Variants in NFATC2 observed in about 807,000 individuals in gnomAD.
NFATC2 encodes nuclear factor of activated T-cells, cytoplasmic 2.
A neutral mutation model predicts 87.3 loss-of-function variants in NFATC2; 22 were observed. That is an observed-to-expected ratio of 0.25 (90% CI 0.18 to 0.36). The LOEUF (loss-of-function observed/expected upper bound fraction) is 0.36. Among genes scored for constraint, NFATC2 ranks in the 10% least tolerant of loss-of-function variants. The probability of loss-of-function intolerance (pLI) is 1.00; values close to 1 mark genes in which losing one functional copy is unlikely to be tolerated. For synonymous variants in NFATC2, 565 were observed against 542.2 expected (o/e 1.04, Z -0.58); for missense variants, 1,149 against 1,259.1 (o/e 0.91, Z 1.32).
chr20:51,538,462 T>C (rs2076755906), intron 1 of NFATC2, among the ~76,000 whole-genome samples: 1 of 152,198 alleles, frequency 6.6e-6, no homozygotes, highest in Non-Finnish European at 1.5e-5. Context: ...ACTGGAGTCC[T>C]CCTCCAAGGC....
intron 9 of NFATC2, among the ~76,000 whole-genome samples, chr20:51,428,235 G>T (rs1982151612): frequency 6.6e-6 from 1 of 152,140 alleles, no homozygotes; most frequent in Non-Finnish European, 1.5e-5. Context: ...ACAATTTGGG[G>T]CCTTAGAACA....
intron 5 of NFATC2, among the ~76,000 whole-genome samples, chr20:51,459,187 C>T (rs1395699265): frequency 2.6e-5 from 4 of 152,100 alleles, no homozygotes; most frequent in South Asian, 2.1e-4. Context: ...ATAAACAAAG[C>T]GTGGTCTATC....
At chr20:51,469,703 A>G (rs577134533) in intron 5 of NFATC2, among the ~76,000 whole-genome samples, 2 of 152,162 alleles carry the variant, frequency 1.3e-5, no homozygotes, top group Non-Finnish European at 2.9e-5. Flanking sequence ...AGACCCAGAG[A>G]AGGCCATGTG....
intron 6 of NFATC2, among the ~76,000 whole-genome samples, chr20:51,438,845 A>G (rs1347044746): frequency 5.9e-5 from 9 of 152,236 alleles, no homozygotes; most frequent in Non-Finnish European, 1.0e-4. Context: ...AGGCCCAGAG[A>G]AGCAAGGCGG....
chr20:51,552,336 A>G (rs1272440751), intron 1 of NFATC2, among the ~76,000 whole-genome samples: 1 of 152,204 alleles, frequency 6.6e-6, no homozygotes, highest in Non-Finnish European at 1.5e-5. Flanking sequence ...ATATACATAT[A>G]GTTCATCCTG....
chr20:51,522,676 C>T (rs532767939), intron 2 of NFATC2, among the ~76,000 whole-genome samples: 25 of 151,700 alleles, frequency 1.6e-4, no homozygotes, highest in African/African-American at 5.8e-4. Context: ...TTAAGGCTTG[C>T]TTTGTGCCTA....
chr20:51,536,804 CTTTAA>C lies in NFATC2; in HGVS notation c.130+5561_130+5565del, dbSNP rs777392896. ...CCAAAGCAGGCTTATTAAGGCCTGT[CTTTAA>C]CTCAACACAGAAGGCAATGTCTCTG... On this transcript the variant is annotated intron_variant, in intron 1 of 10. Coordinates refer to ENST00000371564, the MANE Select transcript of NFATC2 (RefSeq NM_012340.5). Among the ~76,000 whole-genome samples the C allele has an allele frequency of 9.2e-5, 14 of 152,300 alleles. No homozygotes were observed. In the East Asian group the frequency reaches 9.6e-4, roughly 10 times the overall value.
At chr20:51,545,544 A>C (rs1338644895), upstream of NFATC2, among the ~76,000 whole-genome samples, 8 of 152,198 alleles carry the variant, frequency 5.3e-5, no homozygotes, top group African/African-American at 1.2e-4. Context: ...ATGGATAAGT[A>C]GATGGATTGA....
intron 3 of NFATC2, among the ~76,000 whole-genome samples, chr20:51,504,427 T>C (rs892774404): frequency 6.6e-6 from 1 of 152,108 alleles, no homozygotes; most frequent in Non-Finnish European, 1.5e-5. Context: ...TGACTCAAAG[T>C]ACCTGGCCTG....
At chr20:51,415,358 C>G (rs1158538871) in intron 9 of NFATC2, among the ~76,000 whole-genome samples, 1 of 152,102 alleles carries the variant, frequency 6.6e-6, no homozygotes. Flanking sequence ...TAGCCTGTTT[C>G]TAGTCTCCTG....
chr20:51,475,278 T>A (rs377392305), intron 4 of NFATC2, among the ~76,000 whole-genome samples, 180 bp downstream of exon 4: 4 of 152,180 alleles, frequency 2.6e-5, no homozygotes, highest in African/African-American at 9.7e-5. Context: ...CTACATATTA[T>A]GCTTTTAAAA....
At chr20:51,542,032 C>G (rs1213746717) in intron 1 of NFATC2, among the ~76,000 whole-genome samples, 1 of 152,210 alleles carries the variant, frequency 6.6e-6, no homozygotes, top group African/African-American at 2.4e-5. Flanking sequence ...GTCCCTTGCC[C>G]TTTGACAGCC....
intron 1 of NFATC2, among the ~76,000 whole-genome samples, chr20:51,537,834 TAGAA>T (rs1292734656): frequency 1.3e-5 from 2 of 152,216 alleles, no homozygotes; most frequent in African/African-American, 4.8e-5. Context: ...TCTCCTCCAC[TAGAA>T]AGAAAATTAA....
At chr20:51,551,766 G>A (rs1330266626) in intron 1 of NFATC2, among the ~76,000 whole-genome samples, 2 of 152,190 alleles carry the variant, frequency 1.3e-5, no homozygotes, top group East Asian at 1.9e-4. Context: ...AGTGGCTCAT[G>A]CCTGTAATCC....
At chr20:51,550,505 C>A (rs530995471) in intron 1 of NFATC2, among the ~76,000 whole-genome samples, 1 of 152,148 alleles carries the variant, frequency 6.6e-6, no homozygotes, top group East Asian at 1.9e-4. Context: ...GCAGGAGAAT[C>A]GCTTGAACCT....
chr20:51,397,648 A>C (rs1299479339), intron 10 of NFATC2, among the ~76,000 whole-genome samples: 2 of 152,138 alleles, frequency 1.3e-5, no homozygotes, highest in African/African-American at 4.8e-5. Context: ...AGATGCAAAA[A>C]GTCCTGAGGA....
intron 2 of NFATC2, 68 bp from the exon 3 acceptor site, chr20:51,517,023 T>C (rs1568715676): frequency 6.9e-6 from 10 of 1,456,130 alleles, no homozygotes; most frequent in Non-Finnish European, 7.5e-6. Context: ...ACAATAATTG[T>C]AAACGGCCCT....
chr20:51,455,230 A>G (rs935885709), intron 5 of NFATC2, among the ~76,000 whole-genome samples: 2 of 152,018 alleles, frequency 1.3e-5, no homozygotes, highest in African/African-American at 4.8e-5. Context: ...TGATCTACCC[A>G]TGGGGTCCTT....
intron 9 of NFATC2, among the ~76,000 whole-genome samples, chr20:51,417,590 C>T (rs1026682534): frequency 6.6e-6 from 1 of 152,184 alleles, no homozygotes; most frequent in Admixed American, 6.5e-5. Flanking sequence ...CCGTCCCCAT[C>T]GTCACTTTAT....
Sources: allele counts gnomAD v4.1 joint callset (sites outside exome capture counted in the v4.1 genomes callset), GRCh38; gene constraint gnomAD v4.1.1; transcripts MANE v1.5; gene names NCBI Gene and HGNC (gene_info 2026-07-23, HGNC 2026-07-21).